Variants in SMG7 observed in about 807,000 individuals in gnomAD.
SMG7 encodes nonsense-mediated mRNA decay factor SMG7.
A neutral mutation model predicts 148.2 loss-of-function variants in SMG7; 34 were observed. That is an observed-to-expected ratio of 0.23 (90% CI 0.17 to 0.31). The LOEUF is 0.31. Ranked by LOEUF, SMG7 falls within the 10% of genes least tolerant of loss-of-function variation. The pLI, the probability that SMG7 is intolerant of heterozygous loss-of-function variation, is 1.00. For missense variants in SMG7, 1,114 were observed against 1,408.4 expected (o/e 0.79, Z 3.35); for synonymous variants, 492 against 515.1 (o/e 0.96, Z 0.61).
At position 183,552,330 on chromosome 1, in the gene SMG7, A is replaced by T; in HGVS notation, c.*399A>T. The T allele has an allele frequency of 1.0e-6, 1 of 997,582 alleles. No homozygotes were observed. Among genetic ancestry groups the T allele is most frequent in the Non-Finnish European group, 1.2e-6 (1 of 837,852 alleles). The allele number at this position is 997,582 out of a possible 1,614,324, so 61.8% of individuals were successfully genotyped here. On this transcript the variant is annotated 3_prime_UTR_variant, in exon 23 of 23. Coordinates refer to ENST00000688051, the MANE Select transcript of SMG7 (RefSeq NM_001375584.1). ...TTTTTTCCTCTTTGGGGAATAAAATAGGAATCCATTAATGATTGCTTTGCT... is the reference window on the plus strand; with the variant it reads ...TTTTTTCCTCTTTGGGGAATAAAATTGGAATCCATTAATGATTGCTTTGCT...
At chr1:183,490,767 A>C (rs186272698) in intron 1 of SMG7, among the ~76,000 whole-genome samples, 1 of 152,118 alleles carries the variant, frequency 6.6e-6, no homozygotes, top group African/African-American at 2.4e-5. Flanking sequence ...GAACATTTCA[A>C]ATCCCCCCAA....
Position 183,545,279 on chromosome 1 carries a change from G to C in SMG7, c.2337G>C (p.Gly779=), listed in dbSNP as rs370143434. ...CTACAAAAGCTGTGCCGGCTTTGGG[G>C]AAAAGCCCGCCTCACCACTCTGGAT... ...QSPTKAVPAL[G]KSPPHHSGFQ... is the part of the protein sequence containing the mutation. The change falls in exon 16 of 23, where the codon GGG becomes GGC. Residue 779 remains glycine, a synonymous_variant. Transcript: ENST00000688051. 2.9e-5 allele frequency: 46 copies of C among 1,611,658 alleles called. No individual in the cohort carries two copies. The highest frequency in any genetic ancestry group is 3.8e-5 in the Non-Finnish European group (45 of 1,179,862).
intron 1 of SMG7, among the ~76,000 whole-genome samples, chr1:183,479,522 C>G (rs905354634): frequency 6.6e-6 from 1 of 152,084 alleles, no homozygotes; most frequent in Non-Finnish European, 1.5e-5. Flanking sequence ...TTCTTGTTTT[C>G]TCCTCTAAGC....
rs1671463719 is a variant in SMG7 at position 183,553,873 on chromosome 1, T to TG, written c.*1943dup. 1 of 152,652 alleles carries TG rather than the reference T, an allele frequency of 6.6e-6. No homozygotes were observed. The highest frequency in any genetic ancestry group is 2.1e-4 in the South Asian group (1 of 4,840). The allele number at this position is 152,652 out of a possible 1,614,324, so 9.5% of individuals were successfully genotyped here. A position where few individuals can be genotyped will look rare whatever the true frequency, so the allele number is the denominator to read the frequency against. On this transcript the variant is annotated 3_prime_UTR_variant, in exon 23 of 23. Transcript: ENST00000688051. ...CAGTGTTTGAACTGTCACTGATTCT[T>TG]GCGCCCTAGACAAGCTAACCAGGTT... is the stretch of plus-strand genomic sequence containing the variant.
Position 183,547,166 on chromosome 1 carries a change from G to A in SMG7, c.2806G>A (p.Glu936Lys), listed in dbSNP as rs1486654477. Residue 936 changes from glutamate (E) to lysine (K), a missense_variant, in exon 18 of 23, where the codon GAG becomes AAG. This residue lies in a region of SMG7 where 788 missense variants were observed against 894.5 expected (regional missense o/e 0.88). Transcript: ENST00000688051. ...LLKSLAALEEEEELIFSNPPD... is the reference protein window; with the variant it reads ...LLKSLAALEEKEELIFSNPPD... The stretch of plus-strand genomic sequence containing the variant: ...AAAGAGTCTGGCTGCCTTGGAGGAA[G>A]AGGAAGAGCTGATTTTTTCTAACCC... 2 of 1,550,474 alleles carry A rather than the reference G, an allele frequency of 1.3e-6. No individual in the cohort carries two copies. The highest frequency in any genetic ancestry group is 3.9e-5 in the Admixed American group (2 of 50,998).
At chr1:183,489,647 A>G (rs989593838) in intron 1 of SMG7, among the ~76,000 whole-genome samples, 1 of 152,174 alleles carries the variant, frequency 6.6e-6, no homozygotes, top group Non-Finnish European at 1.5e-5. Context: ...TTGCCTTTGT[A>G]TTGTCTTCAA....
chr1:183,504,011 C>A (rs987290625), intron 1 of SMG7, among the ~76,000 whole-genome samples: 1 of 152,204 alleles, frequency 6.6e-6, no homozygotes, highest in African/African-American at 2.4e-5. Context: ...TAGTGAACAG[C>A]TGCCATGGGC....
chr1:183,517,758 C>T lies in SMG7; in HGVS notation c.250C>T (p.Arg84Trp), dbSNP rs1391258803. ...GGCAAAGAATCGAGCAAATCCGAAT[C>T]GGAGTGAAGTTCAGGCAAACCTTTC... Reference protein sequence around the residue: ...GQAKNRANPNRSEVQANLSLF... With the variant: ...GQAKNRANPNWSEVQANLSLF... The change falls in exon 4 of 23, where the codon CGG becomes TGG. Residue 84 changes from arginine (R) to tryptophan (W), a missense_variant. Coordinates refer to ENST00000688051, the MANE Select transcript of SMG7 (RefSeq NM_001375584.1). The T allele has an allele frequency of 2.5e-6, 4 of 1,614,036 alleles. No individual in the cohort carries two copies. Among genetic ancestry groups the T allele is most frequent in the Non-Finnish European group, 2.5e-6 (3 of 1,179,934 alleles).
intron 16 of SMG7, 36 bp downstream of exon 16, chr1:183,545,348 A>T (rs1669742680): frequency 2.5e-6 from 4 of 1,573,350 alleles, no homozygotes; most frequent in South Asian, 1.1e-5. Flanking sequence ...CAGCTGAATG[A>T]AATAAGGGGA....
At chr1:183,546,465 A>G in intron 17 of SMG7, 128 bp downstream of exon 17, 3 of 977,162 alleles carry the variant, frequency 3.1e-6, no homozygotes, top group South Asian at 1.8e-5. Flanking sequence ...GCCACTGAGT[A>G]TTGGTGTAGC....
Position 183,553,221 on chromosome 1 carries a change from T to A in SMG7, c.*1290T>A. ...AAATAAACTCTTTGTATGATATTTA[T>A]TAGGAGGAAAGAGGACTGAAAATGT... is the stretch of plus-strand genomic sequence containing the variant. On this transcript the variant is annotated 3_prime_UTR_variant, in exon 23 of 23. Transcript: ENST00000688051. 6.6e-7 allele frequency: 1 copy of A among 1,523,536 alleles called. No individual in the cohort carries two copies. Among genetic ancestry groups the A allele is most frequent in the Non-Finnish European group, 8.8e-7 (1 of 1,136,674 alleles). 94.4% of individuals were successfully genotyped at this position (1,523,536 alleles called of 1,614,324 possible).
chr1:183,475,840 A>G (rs1476918341), intron 1 of SMG7, among the ~76,000 whole-genome samples: 1 of 152,178 alleles, frequency 6.6e-6, no homozygotes, highest in African/African-American at 2.4e-5. Context: ...TGTGGAATCA[A>G]TGATAGTTTG....
In SMG7 at chr1:183,542,261, G is replaced by A; in HGVS notation, c.1601G>A (p.Ser534Asn). 6.2e-7 allele frequency: 1 copy of A among 1,614,130 alleles called. No homozygotes were observed. Among genetic ancestry groups the A allele is most frequent in the Non-Finnish European group, 8.5e-7 (1 of 1,179,998 alleles). ...KSVLSTSRNL[S>N]NNCDTGEKPV... ...GTGCTATCTACAAGCCGAAATTTAA[G>A]CAACAACTGTGACACAGGAGAGAAG... The change falls in exon 14 of 23, where the codon AGC (serine) becomes AAC (asparagine). Residue 534 changes from serine (S) to asparagine (N), a missense_variant. Ser to Asn is a conservative substitution (Grantham distance 46). This residue lies in a region of SMG7 where 788 missense variants were observed against 894.5 expected (regional missense o/e 0.88). Transcript: ENST00000688051.
At chr1:183,512,891 T>C in intron 2 of SMG7, 23 bp downstream of exon 2, 1 of 1,582,256 alleles carries the variant, frequency 6.3e-7, no homozygotes, top group Admixed American at 1.8e-5. Context: ...TTATTTCTTT[T>C]TCACAACATA....
At chr1:183,501,607 A>G (rs1475326207) in intron 1 of SMG7, among the ~76,000 whole-genome samples, 1 of 152,182 alleles carries the variant, frequency 6.6e-6, no homozygotes, top group Non-Finnish European at 1.5e-5. Context: ...TGGGGTGCAG[A>G]AAGTGTGACT....
intron 1 of SMG7, among the ~76,000 whole-genome samples, chr1:183,497,104 C>CT (rs1427449746): frequency 6.6e-6 from 1 of 152,202 alleles, no homozygotes; most frequent in Admixed American, 6.5e-5. Context: ...TAACAAAACT[C>CT]TTTAAGAAAC....
At position 183,473,684 on chromosome 1, in the gene SMG7, G is replaced by A. The variant is rs998462995; in HGVS notation, c.29+1035G>A. The A allele has an allele frequency of 4.3e-6, 4 of 936,678 alleles. No homozygotes were observed. The East Asian group carries it at 3.5e-4, about 82-fold the overall frequency. 58.0% of individuals were successfully genotyped at this position (936,678 alleles called of 1,614,324 possible). On this transcript the variant is annotated intron_variant, in intron 1 of 22. Transcript: ENST00000688051. Reference sequence around the variant, plus strand: ...TGGGGAGTGACTACTGCTTAGAAAAGGGGAAGACTTTAAAATTGGTCCTTT... The same window carrying A: ...TGGGGAGTGACTACTGCTTAGAAAAAGGGAAGACTTTAAAATTGGTCCTTT...
intron 1 of SMG7, chr1:183,502,442 A>T (rs1659945378): frequency 7.0e-7 from 1 of 1,422,196 alleles, no homozygotes; most frequent in Admixed American, 2.1e-5. Context: ...CCTTTTGGAG[A>T]TGTGTATTAT....
chr1:183,530,480 T>C (rs1222078030), intron 8 of SMG7, among the ~76,000 whole-genome samples: 1 of 152,160 alleles, frequency 6.6e-6, no homozygotes, highest in Non-Finnish European at 1.5e-5. Context: ...ATACTTAGCC[T>C]GTGACATATG....
Sources: gnomAD v4.1 joint callset for allele counts (sites outside exome capture counted in the v4.1 genomes callset) on GRCh38, gnomAD v4.1.1 for gene constraint, gnomAD v4.1.1 regional missense constraint, MANE v1.5 for transcripts, NCBI Gene and HGNC (gene_info 2026-07-23, HGNC 2026-07-21) for gene names.